The following PRUNE1 variants were observed in gnomAD, a reference collection of about 807,000 sequenced individuals.
PRUNE1 encodes prune exopolyphosphatase 1, also known as exopolyphosphatase PRUNE1.
Under a neutral mutation model 42.5 loss-of-function variants are expected in PRUNE1, and 25 were observed. The ratio of observed to expected loss-of-function variants is 0.59; its 90% CI spans 0.43 to 0.82. The LOEUF (loss-of-function observed/expected upper bound fraction) is 0.82. PRUNE1 is among the 40% of genes least tolerant of loss of function. The pLI, the probability that PRUNE1 is intolerant of heterozygous loss-of-function variation, is 0.00. For synonymous variants in PRUNE1, 203 were observed against 217.1 expected (o/e 0.93, Z 0.57); for missense variants, 443 against 539.3 (o/e 0.82, Z 1.77).
intron 7 of PRUNE1, among the ~76,000 whole-genome samples, chr1:151,033,004 C>T (rs1675328341): frequency 6.6e-6 from 1 of 151,920 alleles, no homozygotes; most frequent in Non-Finnish European, 1.5e-5. Context: ...GAATTCCTGA[C>T]CTCAGGTGAT....
Position 151,017,838 on chromosome 1 carries a change from G to A in PRUNE1, c.66G>A (p.Leu22=). ...LQESRPLHVV[L]GNEACDLDST... is the part of the protein sequence containing the mutation. ...AGTCCCGACCTCTACATGTTGTGCTGGGAAATGAAGCCTGTGATTTGGACT... is the reference window on the plus strand; with the variant it reads ...AGTCCCGACCTCTACATGTTGTGCTAGGAAATGAAGCCTGTGATTTGGACT... The change falls in exon 2 of 8, where the codon CTG becomes CTA. Residue 22 remains leucine, a synonymous_variant. Coordinates refer to ENST00000271620, the MANE Select transcript of PRUNE1 (RefSeq NM_021222.3). 1.2e-6 allele frequency: 2 copies of A among 1,604,136 alleles called. No homozygotes were observed. The highest frequency in any genetic ancestry group is 1.1e-5 in the South Asian group (1 of 90,866).
rs1449651958 is a variant in PRUNE1 at position 151,024,800 on chromosome 1, G to A, written c.520+5G>A. On this transcript the variant is annotated splice_donor_5th_base_variant and intron_variant, in intron 4 of 7. Transcript: ENST00000271620. ...AAACTGCAGCCCTTCTGCATGGTAA[G>A]GGTGGCTTTTGGATTGGGACCTCAG... is the stretch of plus-strand genomic sequence containing the variant. The A allele has an allele frequency of 1.2e-6, 2 of 1,606,520 alleles. No homozygotes were observed. Among genetic ancestry groups the A allele is most frequent in the Non-Finnish European group, 1.7e-6 (2 of 1,175,888 alleles).
At chr1:151,025,374 C>A in intron 4 of PRUNE1, 141 bp from the exon 5 acceptor site, 1 of 807,030 alleles carries the variant, frequency 1.2e-6, no homozygotes, top group Non-Finnish European at 1.9e-6. Context: ...ACTGTCCATC[C>A]CAGTTTCTCA....
At chr1:151,015,793 ACCCT>A (rs1218495883) in intron 1 of PRUNE1, among the ~76,000 whole-genome samples, 4 of 152,042 alleles carry the variant, frequency 2.6e-5, no homozygotes, top group African/African-American at 7.3e-5. Context: ...ACAGAGTGAG[ACCCT>A]GTCTCAAAAA....
intron 1 of PRUNE1, 147 bp from the exon 2 acceptor site, chr1:151,017,665 G>A (rs1674187593): frequency 5.4e-6 from 2 of 373,020 alleles, no homozygotes; most frequent in African/African-American, 4.3e-5. Context: ...GGTTGAGGCT[G>A]CAGGGAGTTG....
At position 151,025,591 on chromosome 1, in the gene PRUNE1, G is replaced by T; in HGVS notation, c.597G>T (p.Glu199Asp). The change falls in exon 5 of 8, where the codon GAG (glutamate) becomes GAT (aspartate). Residue 199 changes from glutamate to aspartate, a missense_variant. Coordinates refer to ENST00000271620, the MANE Select transcript of PRUNE1 (RefSeq NM_021222.3). ...KATPKDSKYV[E>D]KLEALFPDLP... is the part of the protein sequence containing the mutation. ...CCCCAAAGGACAGCAAATATGTGGA[G>T]AAACTAGAGGCCCTTTTCCCAGACC... 3 of 1,613,780 alleles carry T rather than the reference G, an allele frequency of 1.9e-6. No homozygotes were observed. Among genetic ancestry groups the T allele is most frequent in the Non-Finnish European group, 2.5e-6 (3 of 1,179,724 alleles).
In PRUNE1 at chr1:151,027,289, G is replaced by A. The variant is rs139834881; in HGVS notation, c.736G>A (p.Val246Ile). The stretch of plus-strand genomic sequence containing the variant: ...CCAGAAGACTATCTATAGACAAGGC[G>A]TCAAGGTGGCCATTAGTGCAATATA... The part of the protein sequence containing the change: ...KDQKTIYRQG[V>I]KVAISAIYMD... The change falls in exon 6 of 8, where the codon GTC (valine) becomes ATC (isoleucine). Residue 246 changes from valine (V) to isoleucine (I), a missense_variant. Physicochemically the swap from Val to Ile is conservative, Grantham distance 29. Coordinates refer to ENST00000271620, the MANE Select transcript of PRUNE1 (RefSeq NM_021222.3). The A allele has an allele frequency of 2.3e-4, 374 of 1,611,642 alleles. 2 individuals are homozygous for A. In the East Asian group the frequency reaches 6.5e-3, roughly 28 times the overall value.
Position 151,033,821 on chromosome 1 carries a change from G to A in PRUNE1, c.949G>A (p.Glu317Lys). The A allele has an allele frequency of 6.2e-7, 1 of 1,613,552 alleles. No individual in the cohort carries two copies. The highest frequency in any genetic ancestry group is 8.5e-7 in the Non-Finnish European group (1 of 1,179,706). Residue 317 changes from glutamate (E) to lysine (K), a missense_variant, in exon 8 of 8, where the codon GAA becomes AAA. Glu to Lys is a moderately conservative substitution (Grantham distance 56). Coordinates refer to ENST00000271620, the MANE Select transcript of PRUNE1 (RefSeq NM_021222.3). ...TCCTCTTTAGATCTGTGAAGTCCTG[G>A]AACGCTCCCACTCTCCACCCCTGAA... The part of the protein sequence containing the change: ...ALQTTICEVL[E>K]RSHSPPLKLT...
At chr1:151,028,694 A>T in intron 6 of PRUNE1, 92 bp from the exon 7 acceptor site, 1 of 1,372,344 alleles carries the variant, frequency 7.3e-7, no homozygotes, top group South Asian at 1.3e-5. Context: ...AAGTGCTAGG[A>T]TTATAGGCGT....
intron 1 of PRUNE1, among the ~76,000 whole-genome samples, chr1:151,017,270 C>T (rs1014070421): frequency 1.2e-4 from 18 of 152,164 alleles, no homozygotes; most frequent in African/African-American, 4.3e-4. Flanking sequence ...TTATTTACTG[C>T]TCTATAAGTT....
At chr1:151,026,381 C>T (rs1289319122) in intron 5 of PRUNE1, among the ~76,000 whole-genome samples, 1 of 151,754 alleles carries the variant, frequency 6.6e-6, no homozygotes, top group Non-Finnish European at 1.5e-5. Context: ...TCGCTTGAAC[C>T]CGGGAAGTGG....
chr1:151,008,899 T>A, intron 1 of PRUNE1: 1 of 680,792 alleles, frequency 1.5e-6, no homozygotes, highest in Non-Finnish European at 2.7e-6. Flanking sequence ...GCTCCCCGCC[T>A]TTGGGGTCCG....
At chr1:151,011,275 C>A (rs1279514652) in intron 1 of PRUNE1, among the ~76,000 whole-genome samples, 1 of 152,010 alleles carries the variant, frequency 6.6e-6, no homozygotes, top group Admixed American at 6.6e-5. Context: ...GTATTTGATA[C>A]CACAGAAATT....
chr1:151,018,433 C>G, intron 2 of PRUNE1, 34 bp from the exon 3 acceptor site: 2 of 1,547,148 alleles, frequency 1.3e-6, no homozygotes, highest in Non-Finnish European at 1.8e-6. Context: ...CATTATAAAA[C>G]CTTGTGATAC....
chr1:151,019,294 C>T (rs1319715020), intron 3 of PRUNE1, among the ~76,000 whole-genome samples: 2 of 151,546 alleles, frequency 1.3e-5, no homozygotes, highest in Non-Finnish European at 2.9e-5. Context: ...TGATGGCTCA[C>T]GCCTGTAATC....
At position 151,028,797 on chromosome 1, in the gene PRUNE1, G is replaced by A; in HGVS notation, c.786G>A (p.Gln262=). Residue 262 remains glutamine (Q), a synonymous_variant, in exon 7 of 8, where the codon CAG becomes CAA. Transcript: ENST00000271620. ...TTCTTCCCTTTCAGGCCTTTCTGCA[G>A]AGGTCTAACCTCCTTGCAGATCTCC... ...AIYMDLEAFL[Q]RSNLLADLHA... is the part of the protein sequence containing the mutation. 4 of 1,613,738 alleles carry A rather than the reference G, an allele frequency of 2.5e-6. No individual in the cohort carries two copies. Among genetic ancestry groups the A allele is most frequent in the Non-Finnish European group, 3.4e-6 (4 of 1,179,912 alleles).
At chr1:151,020,771 G>A (rs191433348) in intron 3 of PRUNE1, among the ~76,000 whole-genome samples, 2 of 151,364 alleles carry the variant, frequency 1.3e-5, no homozygotes, top group East Asian at 3.9e-4. Context: ...CATGAGGTCA[G>A]GAGATGGAGA....
At chr1:151,022,564 GT>G (rs1674532616) in intron 3 of PRUNE1, among the ~76,000 whole-genome samples, 1 of 151,368 alleles carries the variant, frequency 6.6e-6, no homozygotes, top group Non-Finnish European at 1.5e-5. Context: ...GACTACAGGT[GT>G]GCCCGCCACC....
At chr1:151,015,226 G>A (rs1022796601) in intron 1 of PRUNE1, among the ~76,000 whole-genome samples, 4 of 151,782 alleles carry the variant, frequency 2.6e-5, no homozygotes, top group African/African-American at 7.3e-5. Context: ...ACAGCTACTC[G>A]GGAGGCTGAA....
Sources: allele counts gnomAD v4.1 joint callset (sites outside exome capture counted in the v4.1 genomes callset), GRCh38; gene constraint gnomAD v4.1.1; transcripts MANE v1.5; gene names NCBI Gene and HGNC (gene_info 2026-07-23, HGNC 2026-07-21).